Variants in AHNAK observed in about 807,000 individuals in gnomAD.
AHNAK encodes neuroblast differentiation-associated protein AHNAK.
A neutral mutation model predicts 37.8 loss-of-function variants in AHNAK; 23 were observed. That is an observed-to-expected ratio of 0.61 (90% CI 0.44 to 0.86). AHNAK has a LOEUF of 0.86. Among genes scored for constraint, AHNAK ranks in the 40% least tolerant of loss-of-function variants. The probability of loss-of-function intolerance (pLI) is 0.00; values close to 1 mark genes in which losing one functional copy is unlikely to be tolerated. For missense variants in AHNAK, 7,411 were observed against 7,319.4 expected (o/e 1.01, Z -0.46); for synonymous variants, 2,481 against 2,636.3 (o/e 0.94, Z 1.80).
At chr11:62,469,279 A>G (rs1486935467) in intron 5 of AHNAK, among the ~76,000 whole-genome samples, 1 of 151,912 alleles carries the variant, frequency 6.6e-6, no homozygotes, top group Non-Finnish European at 1.5e-5. Context: ...ATGCCACCAC[A>G]CCCATCTAAT....
chr11:62,529,630 T>A lies in AHNAK; in HGVS notation c.4787A>T (p.Asp1596Val), dbSNP rs952932769. 3.1e-6 allele frequency: 5 copies of A among 1,614,014 alleles called. No individual in the cohort carries two copies. Among genetic ancestry groups the A allele is most frequent in the African/African-American group, 2.7e-5 (2 of 74,916 alleles). The change falls in exon 5 of 5, where the codon GAT (aspartate) becomes GTT (valine). Residue 1596 changes from aspartate (D) to valine (V), a missense_variant. Asp to Val is a radical substitution (Grantham distance 152). Coordinates refer to ENST00000378024, the MANE Select transcript of AHNAK (RefSeq NM_001620.3). ...CACTTTGGGAAGGGAAACATCTACA[T>A]CAGTTTTCAGTTTAGGGGCTTTCAA... ...LNLKAPKLKT[D>V]VDVSLPKVEG...
At position 62,527,728 on chromosome 11, in the gene AHNAK, G is replaced by A. The variant is rs1180148566; in HGVS notation, c.6689C>T (p.Pro2230Leu). The change falls in exon 5 of 5, where the codon CCA becomes CTA. Residue 2230 changes from proline to leucine, a missense_variant. Pro to Leu is a moderately conservative substitution (Grantham distance 98). Coordinates refer to ENST00000378024, the MANE Select transcript of AHNAK (RefSeq NM_001620.3). ...GTCTGGGCCATGAACATCCACATCT[G>A]GGGCATCAATGTCCACTTTGGGCCC... ...IRGPKVDIDAPDVDVHGPDWH... is the reference protein window; with the variant it reads ...IRGPKVDIDALDVDVHGPDWH... The A allele has an allele frequency of 3.1e-6, 5 of 1,613,918 alleles. No individual in the cohort carries two copies. The highest frequency in any genetic ancestry group is 3.4e-6 in the Non-Finnish European group (4 of 1,180,020).
At position 62,519,294 on chromosome 11, in the gene AHNAK, T is replaced by C. The variant is rs1246839118; in HGVS notation, c.15123A>G (p.Gly5041=). Residue 5041 remains glycine (G), a synonymous_variant, in exon 5 of 5, where the codon GGA becomes GGG. Transcript: ENST00000378024. ...CACCCCCAGGAACATTCAGGTCAAA[T>C]CCCTGTTTTTTGGCCTTAATCTTAG... The part of the protein sequence containing the change: ...SGPKIKAKKQ[G]FDLNVPGGEI... The C allele has an allele frequency of 6.2e-7, 1 of 1,614,180 alleles. No individual in the cohort carries two copies. Among genetic ancestry groups the C allele is most frequent in the Admixed American group, 1.7e-5 (1 of 60,014 alleles).
chr11:62,516,900 A>C lies in AHNAK; in HGVS notation c.17517T>G (p.Thr5839=). Reference sequence around the variant, plus strand: ...ACTTGCCTGTCTCATCATCGCTCCCAGTCACCTCATAATGACCTTTGCTCT... The same window carrying C: ...ACTTGCCTGTCTCATCATCGCTCCCCGTCACCTCATAATGACCTTTGCTCT... The part of the protein sequence containing the change: ...GSKSKGHYEV[T]GSDDETGKLQ... Residue 5839 remains threonine (T), a synonymous_variant, in exon 5 of 5, where the codon ACT becomes ACG. Coordinates refer to ENST00000378024, the MANE Select transcript of AHNAK (RefSeq NM_001620.3). 1 of 1,614,086 alleles carries C rather than the reference A, an allele frequency of 6.2e-7. No homozygotes were observed. The highest frequency in any genetic ancestry group is 1.7e-5 in the Admixed American group (1 of 60,012).
downstream of AHNAK, among the ~76,000 whole-genome samples, chr11:62,515,390 G>A (rs1360898414): frequency 6.6e-6 from 1 of 152,224 alleles, no homozygotes; most frequent in East Asian, 1.9e-4. Flanking sequence ...AGAGGCAAGG[G>A]CCTGTAATCC....
At chr11:62,484,343 G>T (rs1215759034) in intron 5 of AHNAK, among the ~76,000 whole-genome samples, 1 of 152,086 alleles carries the variant, frequency 6.6e-6, no homozygotes, top group Admixed American at 6.6e-5. Flanking sequence ...CTATGATCAT[G>T]CCACCACACT....
At chr11:62,509,021 A>T (rs1008116289) in intron 4 of AHNAK, among the ~76,000 whole-genome samples, 1 of 152,224 alleles carries the variant, frequency 6.6e-6, no homozygotes, top group African/African-American at 2.4e-5. Context: ...GGAGAAACTT[A>T]GCAATCTCCT....
Position 62,523,950 on chromosome 11 carries a change from T to C in AHNAK, c.10467A>G (p.Ala3489=). 2 of 1,614,132 alleles carry C rather than the reference T, an allele frequency of 1.2e-6. No individual in the cohort carries two copies. The highest frequency in any genetic ancestry group is 1.7e-6 in the Non-Finnish European group (2 of 1,180,016). The stretch of plus-strand genomic sequence containing the variant: ...GATCCACAGCTACATCTGGCCCTTC[T>C]GCTTTTAAGCCAGACACACTGAATT... ...MPKFSVSGLK[A]EGPDVAVDLP... Residue 3489 remains alanine, a synonymous_variant, in exon 5 of 5, where the codon GCA becomes GCG. Transcript: ENST00000378024.
In AHNAK at chr11:62,526,674, C is replaced by T. The variant is rs1254529584; in HGVS notation, c.7743G>A (p.Met2581Ile). The T allele has an allele frequency of 6.2e-7, 1 of 1,612,828 alleles. No individual in the cohort carries two copies. ...EMNIKAPKIS[M>I]PDFDLHLKGP... ...CTTTCAGATGCAAATCAAAGTCAGG[C>T]ATGGAGATCTTGGGGGCTTTGATGT... is the stretch of plus-strand genomic sequence containing the variant. Residue 2581 changes from methionine (M) to isoleucine (I), a missense_variant, in exon 5 of 5, where the codon ATG (methionine) becomes ATA (isoleucine). Transcript: ENST00000378024.
Position 62,524,876 on chromosome 11 carries a change from C to T in AHNAK, c.9541G>A (p.Val3181Ile), listed in dbSNP as rs200714755. ...DVNLPKADLD[V>I]SGPKVDVDVP... ...TCAACGTCCACCTTGGGTCCTGAGA[C>T]GTCAAGGTCAGCCTTGGGCAGGTTC... Residue 3181 changes from valine (V) to isoleucine (I), a missense_variant, in exon 5 of 5, where the codon GTC (valine) becomes ATC (isoleucine). By Grantham distance (29) the Val-to-Ile change is conservative (BLOSUM62 3). Coordinates refer to ENST00000378024, the MANE Select transcript of AHNAK (RefSeq NM_001620.3). 2.7e-4 allele frequency: 434 copies of T among 1,614,124 alleles called. 1 individual carries two copies. Among genetic ancestry groups the T allele is most frequent in the Admixed American group, 1.5e-4 (9 of 60,016 alleles).
In AHNAK at chr11:62,531,061, C is replaced by A. The variant is rs755528839; in HGVS notation, c.3356G>T (p.Gly1119Val). The A allele has an allele frequency of 1.2e-6, 2 of 1,613,710 alleles. No homozygotes were observed. Among genetic ancestry groups the A allele is most frequent in the South Asian group, 2.2e-5 (2 of 91,066 alleles). The change falls in exon 5 of 5, where the codon GGC (glycine) becomes GTC (valine). Residue 1119 changes from glycine (G) to valine (V), a missense_variant. Transcript: ENST00000378024. ...GGGTATTTTCAGGCTCCAGTCCAGG[C>A]CTTGGCCTTCCACATCTGGTGCTTT... Reference protein sequence around the residue: ...DIKAPDVEGQGLDWSLKIPKM... With the variant: ...DIKAPDVEGQVLDWSLKIPKM...
Position 62,528,619 on chromosome 11 carries a change from C to T in AHNAK, c.5798G>A (p.Gly1933Asp). 1 of 1,610,552 alleles carries T rather than the reference C, an allele frequency of 6.2e-7. No homozygotes were observed. Among genetic ancestry groups the T allele is most frequent in the Non-Finnish European group, 8.5e-7 (1 of 1,179,272 alleles). The part of the protein sequence containing the change: ...SMPDVDLHLK[G>D]PKVKGDVDVS... Reference sequence around the variant, plus strand: ...ATCCACATCCCCTTTGACTTTGGGGCCTTTCAAGTGTAAGTCCACATCAGG... The same window carrying T: ...ATCCACATCCCCTTTGACTTTGGGGTCTTTCAAGTGTAAGTCCACATCAGG... Residue 1933 changes from glycine to aspartate, a missense_variant, in exon 5 of 5, where the codon GGC (glycine) becomes GAC (aspartate). Physicochemically the swap from Gly to Asp is moderately conservative, Grantham distance 94. Coordinates refer to ENST00000378024, the MANE Select transcript of AHNAK (RefSeq NM_001620.3).
intron 5 of AHNAK, among the ~76,000 whole-genome samples, chr11:62,454,134 C>T (rs1383544014): frequency 2.0e-5 from 3 of 148,644 alleles, no homozygotes; most frequent in Non-Finnish European, 4.4e-5. Context: ...AGAAAATTGG[C>T]TGGGTACGGT....
At chr11:62,507,694 G>T (rs1939834121) in intron 4 of AHNAK, among the ~76,000 whole-genome samples, 1 of 152,140 alleles carries the variant, frequency 6.6e-6, no homozygotes, top group Non-Finnish European at 1.5e-5. Flanking sequence ...GGAAGCCGAG[G>T]CAGGAGAATC....
rs541142339 is a variant in AHNAK at position 62,439,347 on chromosome 11, C to T, written c.443-5456G>A. 1.4e-4 allele frequency among the ~76,000 whole-genome samples: 21 copies of T among 152,024 alleles called. 1 individual carries two copies. In the South Asian group the frequency reaches 1.7e-3, roughly 12 times the overall value. ...TCCTGACCTTGTGATCCGCCCACCT[C>T]GGCCTCCCAAAGTGCTGGGATTACA... On this transcript the variant is annotated intron_variant, in intron 5 of 5. Coordinates refer to the AHNAK transcript ENST00000257247.
intron 5 of AHNAK, among the ~76,000 whole-genome samples, chr11:62,471,986 C>A (rs548887965): frequency 2.2e-4 from 34 of 152,244 alleles, no homozygotes; most frequent in African/African-American, 7.7e-4. Flanking sequence ...CGACCACTCG[C>A]CCCAGGGTCT....
intron 5 of AHNAK, among the ~76,000 whole-genome samples, chr11:62,435,108 C>G (rs1938132106): frequency 1.3e-5 from 2 of 152,114 alleles, no homozygotes; most frequent in Non-Finnish European, 2.9e-5. Context: ...TCCTGCCCTC[C>G]CCCTAATTGA....
chr11:62,525,098 C>A lies in AHNAK; in HGVS notation c.9319G>T (p.Gly3107Cys), dbSNP rs142371310. The A allele has an allele frequency of 6.2e-7, 1 of 1,614,072 alleles. No homozygotes were observed. The highest frequency in any genetic ancestry group is 1.7e-5 in the Admixed American group (1 of 60,014). ...TTTGGCAGAGACACATCCATGTCAC[C>A]CTTCACTTTGGGACCTTTCAGGTTA... is the stretch of plus-strand genomic sequence containing the variant. ...DLNLKGPKVK[G>C]DMDVSLPKVE... is the part of the protein sequence containing the mutation. The change falls in exon 5 of 5, where the codon GGT becomes TGT. Residue 3107 changes from glycine to cysteine, a missense_variant. Gly to Cys is a radical substitution (Grantham distance 159). Coordinates refer to ENST00000378024, the MANE Select transcript of AHNAK (RefSeq NM_001620.3).
intron 5 of AHNAK, among the ~76,000 whole-genome samples, chr11:62,460,987 AT>A (rs58443970): frequency 4.1e-4 from 42 of 103,628 alleles, no homozygotes; most frequent in African/African-American, 1.1e-3. Context: ...GGCCTGGCTA[AT>A]TTTTTTTTTT....
Sources: gnomAD v4.1 joint callset for allele counts (sites outside exome capture counted in the v4.1 genomes callset) on GRCh38, gnomAD v4.1.1 for gene constraint, MANE v1.5 for transcripts, NCBI Gene and HGNC (gene_info 2026-07-23, HGNC 2026-07-21) for gene names.